SLC29A4: variants seen among roughly 807,000 people sequenced by gnomAD.
The protein encoded by SLC29A4 is solute carrier family 29 member 4, also known as equilibrative nucleoside transporter 4.
A neutral mutation model predicts 43.9 loss-of-function variants in SLC29A4; 36 were observed. The observed-to-expected ratio is 0.82, with a 90% CI of 0.63 to 1.08. The LOEUF (loss-of-function observed/expected upper bound fraction) is 1.08, where lower values mean the gene tolerates loss of function less well. SLC29A4 is among the 50% of genes least tolerant of loss of function. The pLI, the probability that SLC29A4 is intolerant of heterozygous loss-of-function variation, is 0.00. For synonymous variants in SLC29A4, 491 were observed against 338.0 expected (o/e 1.45, Z -4.97); for missense variants, 869 against 755.3 (o/e 1.15, Z -1.77).
intron 10 of SLC29A4, among the ~76,000 whole-genome samples, chr7:5,301,008 C>T (rs1462175936): frequency 1.3e-5 from 2 of 152,170 alleles, no homozygotes; most frequent in Non-Finnish European, 2.9e-5. Context: ...CCTGCAATCC[C>T]AGCACTTTGG....
chr7:5,296,313 G>A (rs1213968258), intron 6 of SLC29A4, among the ~76,000 whole-genome samples: 1 of 151,366 alleles, frequency 6.6e-6, no homozygotes. Flanking sequence ...GTGTGTCATC[G>A]TGGCCCTACT....
chr7:5,296,787 G>T (rs1348860664), intron 6 of SLC29A4, 149 bp from the exon 7 acceptor site: 2 of 885,610 alleles, frequency 2.3e-6, no homozygotes, highest in African/African-American at 4.0e-5. Context: ...GGCCTGTGGT[G>T]GAGGGCGGGG....
At chr7:5,296,058 C>T (rs968347471) in intron 6 of SLC29A4, among the ~76,000 whole-genome samples, 1 of 152,092 alleles carries the variant, frequency 6.6e-6, no homozygotes, top group Non-Finnish European at 1.5e-5. Context: ...GCCTCGTGAC[C>T]CTAATGGCGG....
In SLC29A4 at chr7:5,291,349, C is replaced by G. The variant is rs1238524466; in HGVS notation, c.415+112C>G. On this transcript the variant is annotated intron_variant, in intron 4 of 10. Transcript: ENST00000396872. ...TCACTCCCCTCGTCTGTAAAATGGGCACACTTCCTAGGGCTGCCCTGAGGT... is the reference window on the plus strand; with the variant it reads ...TCACTCCCCTCGTCTGTAAAATGGGGACACTTCCTAGGGCTGCCCTGAGGT... 97 of 1,062,380 alleles carry G rather than the reference C, an allele frequency of 9.1e-5. 1 individual carries two copies. The East Asian group carries it at 2.5e-3, about 28-fold the overall frequency. The allele number at this position is 1,062,380 out of a possible 1,614,324, so 65.8% of individuals were successfully genotyped here.
In SLC29A4 at chr7:5,303,002, C is replaced by G; in HGVS notation, c.*63C>G. ...ACCAGGGGCCCCGAGGCCTGAGGGC[C>G]CCTCCCCTGTCCCCACCTCAGTGCC... On this transcript the variant is annotated 3_prime_UTR_variant, in exon 11 of 11. Transcript: ENST00000396872. The G allele has an allele frequency of 6.5e-7, 1 of 1,549,300 alleles. No homozygotes were observed. Among genetic ancestry groups the G allele is most frequent in the African/African-American group, 1.4e-5 (1 of 73,376 alleles).
chr7:5,283,783 G>A (rs1190229820), intron 1 of SLC29A4, among the ~76,000 whole-genome samples: 2 of 152,222 alleles, frequency 1.3e-5, no homozygotes, highest in African/African-American at 2.4e-5. Flanking sequence ...GGTGTACCAG[G>A]CATCAACTAA....
At position 5,305,857 on chromosome 7, in the gene SLC29A4, C is replaced by G. The variant is rs1009582429; in HGVS notation, c.*2918C>G. On this transcript the variant is annotated 3_prime_UTR_variant, in exon 11 of 11. Coordinates refer to ENST00000396872, the MANE Select transcript of SLC29A4 (RefSeq NM_153247.4). ...CAGGCATGAGCCACCATGCCTGGCA[C>G]TGGTTTTTTGAGATGGAATCTCGTT... 1.4e-5 allele frequency: 2 copies of G among 145,870 alleles called. No individual in the cohort carries two copies. The highest frequency in any genetic ancestry group is 5.1e-5 in the African/African-American group (2 of 39,096). The allele number at this position is 145,870 out of a possible 1,614,324, so 9.0% of individuals were successfully genotyped here. A position where few individuals can be genotyped will look rare whatever the true frequency, so the allele number is the denominator to read the frequency against.
In SLC29A4 at chr7:5,290,897, G is replaced by C. The variant is rs1261324006; in HGVS notation, c.301+34G>C. 6 of 1,583,630 alleles carry C rather than the reference G, an allele frequency of 3.8e-6. No individual in the cohort carries two copies. The African/African-American group carries it at 5.4e-5, about 14-fold the overall frequency. On this transcript the variant is annotated intron_variant, in intron 3 of 10. Transcript: ENST00000396872. ...CTCCACGGTCACGCCCAGCCACTCAGCATCCTCCATCATGGCCTGGGGCCT... is the reference window on the plus strand; with the variant it reads ...CTCCACGGTCACGCCCAGCCACTCACCATCCTCCATCATGGCCTGGGGCCT...
chr7:5,297,294 C>T (rs749244499), intron 7 of SLC29A4, 96 bp downstream of exon 7: 34 of 1,357,418 alleles, frequency 2.5e-5, no homozygotes, highest in Non-Finnish European at 3.1e-5. Context: ...CTCTCACCTG[C>T]ATCCCAGACT....
At position 5,287,966 on chromosome 7, in the gene SLC29A4, C is replaced by G. The variant is rs147508642; in HGVS notation, c.150C>G (p.Val50=). Residue 50 remains valine (V), a synonymous_variant, in exon 2 of 11, where the codon GTC becomes GTG. Transcript: ENST00000396872. ...GCCAGGGCCTTAGGGCCAGGGGCGT[C>G]CCAGCTTTCACGGATACTAGTAAGT... ...AQGQGLRARG[V]PAFTDTTLDE... 1.2e-5 allele frequency: 20 copies of G among 1,609,238 alleles called. No homozygotes were observed. In the African/African-American group the frequency reaches 2.7e-4, roughly 22 times the overall value.
intron 7 of SLC29A4, among the ~76,000 whole-genome samples, chr7:5,297,651 TCC>T (rs1785805679): frequency 1.4e-5 from 2 of 146,866 alleles, no homozygotes; most frequent in Non-Finnish European, 3.1e-5. Flanking sequence ...ACAGCCTTCC[TCC>T]CTAGAGTCGG....
At chr7:5,297,492 T>TGC (rs1583671672) in intron 7 of SLC29A4, among the ~76,000 whole-genome samples, 1 of 151,734 alleles carries the variant, frequency 6.6e-6, no homozygotes, top group East Asian at 2.0e-4. Context: ...CCCCTGTCCT[T>TGC]AGTGACACTC....
At chr7:5,298,005 C>T (rs73673106) in intron 7 of SLC29A4, among the ~76,000 whole-genome samples, 2,933 of 152,254 alleles carry the variant, frequency 0.019, 104 homozygotes, top group African/African-American at 0.067. Context: ...GGCTCAGGGC[C>T]GGCAGCTGTA....
chr7:5,296,944 G>C lies in SLC29A4; in HGVS notation c.628G>C (p.Gly210Arg), dbSNP rs1785721177. The change falls in exon 7 of 11, where the codon GGC (glycine) becomes CGC (arginine). Residue 210 changes from glycine to arginine, a missense_variant. Transcript: ENST00000396872. Reference protein sequence around the residue: ...QGVMTGESTAGVMISLSRILT... With the variant: ...QGVMTGESTARVMISLSRILT... The stretch of plus-strand genomic sequence containing the variant: ...CTGTGCACGCCCCCCAGGCACGGCG[G>C]GCGTGATGATCTCTCTGAGCCGCAT... 1.3e-6 allele frequency: 2 copies of C among 1,558,414 alleles called. No individual in the cohort carries two copies. Among genetic ancestry groups the C allele is most frequent in the Non-Finnish European group, 1.7e-6 (2 of 1,149,918 alleles).
chr7:5,304,673 C>G lies in SLC29A4; in HGVS notation c.*1734C>G, dbSNP rs1763571548. ...TACAGGTACGCACCACCACACCTGGCTAATTTGTCTTGTGGAGACCGGGTT... is the reference window on the plus strand; with the variant it reads ...TACAGGTACGCACCACCACACCTGGGTAATTTGTCTTGTGGAGACCGGGTT... On this transcript the variant is annotated 3_prime_UTR_variant, in exon 11 of 11. Coordinates refer to ENST00000396872, the MANE Select transcript of SLC29A4 (RefSeq NM_153247.4). 1 of 152,146 alleles carries G rather than the reference C, an allele frequency of 6.6e-6. No homozygotes were observed. Among genetic ancestry groups the G allele is most frequent in the Non-Finnish European group, 1.5e-5 (1 of 68,068 alleles). 9.4% of individuals were successfully genotyped at this position (152,146 alleles called of 1,614,324 possible).
rs1045800078 is a variant in SLC29A4, at chr7:5,306,777, C to T, written c.*3838C>T. 1 of 152,090 alleles carries T rather than the reference C, an allele frequency of 6.6e-6. No individual in the cohort carries two copies. The highest frequency in any genetic ancestry group is 2.4e-5 in the African/African-American group (1 of 41,414). 9.4% of individuals were successfully genotyped at this position (152,090 alleles called of 1,614,324 possible). ...CCCCTACTCCAGCCCCTGAAATAAA[C>T]CACTCCAGACAATTTTATTTTTCCA... On this transcript the variant is annotated 3_prime_UTR_variant, in exon 11 of 11. Coordinates refer to ENST00000396872, the MANE Select transcript of SLC29A4 (RefSeq NM_153247.4).
intron 6 of SLC29A4, 132 bp from the exon 7 acceptor site, chr7:5,296,804 G>T: frequency 9.5e-7 from 1 of 1,049,534 alleles, no homozygotes; most frequent in Non-Finnish European, 1.3e-6. Flanking sequence ...GGGGCCTGTG[G>T]GTGGGGGCAG....
At chr7:5,302,668 G>C (rs1411105384) in intron 10 of SLC29A4, 129 bp from the exon 11 acceptor site, 4 of 886,220 alleles carry the variant, frequency 4.5e-6, no homozygotes, top group Admixed American at 2.9e-5. Context: ...CCCAGGAGGA[G>C]CGATGGGGCA....
At chr7:5,299,184 A>G in intron 8 of SLC29A4, 56 bp from the exon 9 acceptor site, 1 of 1,596,842 alleles carries the variant, frequency 6.3e-7, no homozygotes, top group South Asian at 1.1e-5. Flanking sequence ...GGGGTGGGGG[A>G]GGCAGGCAGG....
Sources: allele counts gnomAD v4.1 joint callset (sites outside exome capture counted in the v4.1 genomes callset), GRCh38; gene constraint gnomAD v4.1.1; transcripts MANE v1.5; gene names NCBI Gene and HGNC (gene_info 2026-07-23, HGNC 2026-07-21).